Variants in RYR2 observed in about 807,000 individuals in gnomAD.
The protein encoded by RYR2 is cardiac muscle ryanodine receptor-calcium release channel.
Under a neutral mutation model 601.1 loss-of-function variants are expected in RYR2, and 227 were observed. The observed-to-expected ratio is 0.38, with a 90% confidence interval of 0.34 to 0.42. The LOEUF (loss-of-function observed/expected upper bound fraction) is 0.42. Among genes scored for constraint, RYR2 ranks in the 10% least tolerant of loss-of-function variants. RYR2 has a pLI of 1.00. For missense variants in RYR2, 4,646 were observed against 6,156.5 expected (o/e 0.75, Z 8.21); for synonymous variants, 2,223 against 2,175.1 (o/e 1.02, Z -0.61).
chr1:237,631,389 C>G lies in RYR2; in HGVS notation c.6441-38C>G, dbSNP rs1199957626. ...AACTTGGTTAACTATTTAGATGTTG[C>G]TCTGAGCTTTACCCCATACGTCCAT... On this transcript the variant is annotated intron_variant, in intron 41 of 104. Transcript: ENST00000366574. The G allele has an allele frequency of 4.6e-6, 6 of 1,298,302 alleles. No homozygotes were observed. The East Asian group carries it at 1.2e-4, about 25-fold the overall frequency. The allele number at this position is 1,298,302 out of a possible 1,614,324, so 80.4% of individuals were successfully genotyped here. A position where few individuals can be genotyped will look rare whatever the true frequency, so the allele number is the denominator to read the frequency against.
chr1:237,569,329 C>G lies in RYR2; in HGVS notation c.3598+10C>G, dbSNP rs547647810. 2.0e-5 allele frequency: 33 copies of G among 1,611,970 alleles called. No homozygotes were observed. The South Asian group carries it at 3.6e-4, about 18-fold the overall frequency. Reference sequence around the variant, plus strand: ...TTTGATGTTGGCGATGGTAAGTCTACTATGTTTTGTGTTTTTTTTAAGTTT... The same window carrying G: ...TTTGATGTTGGCGATGGTAAGTCTAGTATGTTTTGTGTTTTTTTTAAGTTT... On this transcript the variant is annotated intron_variant, in intron 29 of 104. Coordinates refer to ENST00000366574, the MANE Select transcript of RYR2 (RefSeq NM_001035.3).
intron 1 of RYR2, among the ~76,000 whole-genome samples, chr1:237,061,211 T>TTCTATCTATCTACCTATCTA (rs1553275425): frequency 9.6e-6 from 1 of 104,204 alleles, no homozygotes. Flanking sequence ...AATACGGTTG[T>TTCTATCTATCTACCTATCTA]TCTATCTATC....
chr1:237,369,201 C>T (rs1352267267), intron 5 of RYR2, among the ~76,000 whole-genome samples: 1 of 152,110 alleles, frequency 6.6e-6, no homozygotes. Context: ...ACTAAGGTAC[C>T]ATGGTTCCCA....
intron 24 of RYR2, among the ~76,000 whole-genome samples, chr1:237,530,064 C>G (rs1188638710): frequency 6.6e-6 from 1 of 152,104 alleles, no homozygotes; most frequent in Non-Finnish European, 1.5e-5. Context: ...GTAATCCCAG[C>G]ACTTTGGGAG....
At chr1:237,050,773 T>C (rs999854507) in intron 1 of RYR2, among the ~76,000 whole-genome samples, 2 of 152,132 alleles carry the variant, frequency 1.3e-5, no homozygotes, top group East Asian at 1.9e-4. Flanking sequence ...CTTGAGTCAA[T>C]TGGGATATTG....
chr1:237,710,167 C>T (rs914905750), intron 70 of RYR2, among the ~76,000 whole-genome samples: 3 of 152,160 alleles, frequency 2.0e-5, no homozygotes, highest in African/African-American at 4.8e-5. Flanking sequence ...TTAATCATAA[C>T]AATCGTATAG....
At chr1:237,628,264 C>G (rs1287759999) in intron 41 of RYR2, among the ~76,000 whole-genome samples, 184 bp downstream of exon 41, 1 of 151,700 alleles carries the variant, frequency 6.6e-6, no homozygotes, top group African/African-American at 2.4e-5. Flanking sequence ...TACATGTGCA[C>G]AATGTGCAGG....
intron 2 of RYR2, among the ~76,000 whole-genome samples, chr1:237,325,632 G>A (rs959543185): frequency 6.6e-6 from 1 of 152,058 alleles, no homozygotes; most frequent in East Asian, 1.9e-4. Flanking sequence ...AGCTTGCAGT[G>A]AGCCGAGATT....
chr1:237,157,528 T>C (rs559882893), intron 1 of RYR2, among the ~76,000 whole-genome samples: 3 of 152,238 alleles, frequency 2.0e-5, no homozygotes, highest in South Asian at 2.1e-4. Context: ...ATGTGATATA[T>C]ACACACAATG....
chr1:237,329,053 T>C (rs1696444011), intron 2 of RYR2, among the ~76,000 whole-genome samples: 1 of 152,238 alleles, frequency 6.6e-6, no homozygotes. Flanking sequence ...CTTACGGTTC[T>C]AACTCACCAA....
chr1:237,107,333 A>G (rs1029812264), intron 1 of RYR2, among the ~76,000 whole-genome samples: 8 of 151,438 alleles, frequency 5.3e-5, no homozygotes, highest in African/African-American at 1.2e-4. Context: ...CATCCTGGCT[A>G]ACACGGTGAA....
chr1:237,529,846 G>A (rs112406313), intron 24 of RYR2, among the ~76,000 whole-genome samples: 7,186 of 149,908 alleles, frequency 0.048, 255 homozygotes, highest in Non-Finnish European at 0.078. Flanking sequence ...GCAGGATATC[G>A]AAGAATTGTT....
intron 1 of RYR2, among the ~76,000 whole-genome samples, chr1:237,056,712 CTGCACCTGTGAGGACTGGAGCAT>C (rs1418114177): frequency 1.2e-5 from 1 of 80,546 alleles, no homozygotes; most frequent in Non-Finnish European, 2.5e-5. Flanking sequence ...GACTGCAGCA[CTGCACCTGTGAGGACTGGAGCAT>C]TGCATCTGTG....
intron 33 of RYR2, among the ~76,000 whole-genome samples, chr1:237,594,896 T>TTGTTTTTTG (rs1675665141): frequency 1.5e-4 from 3 of 20,460 alleles, no homozygotes; most frequent in African/African-American, 2.2e-4. Flanking sequence ...GTTTTTTTTT[T>TTGTTTTTTG]TTTTTTTTTT....
chr1:237,693,058 A>G (rs1687087766), intron 63 of RYR2, among the ~76,000 whole-genome samples: 1 of 152,208 alleles, frequency 6.6e-6, no homozygotes. Flanking sequence ...GAAGGTAGAT[A>G]AGTACGCAGA....
chr1:237,806,330 CAAAT>C, intron 99 of RYR2, 47 bp downstream of exon 99: 2 of 1,539,182 alleles, frequency 1.3e-6, no homozygotes, highest in Non-Finnish European at 1.8e-6. Context: ...AAAAAAGCAA[CAAAT>C]AAAACAAAGA....
chr1:237,481,832 AAAAC>A lies in RYR2; in HGVS notation c.1709-9973_1709-9970del, dbSNP rs1228237449. Among the ~76,000 whole-genome samples, 539 of 145,940 alleles carry A rather than the reference AAAAC, an allele frequency of 3.7e-3. 9 individuals carry two copies. The highest frequency in any genetic ancestry group is 0.014 in the African/African-American group (518 of 37,892). ...AGCAAAAAAAAAAAAAAAAAAAAAA[AAAAC>A]CACCTCCCAAACTCCTTGGATCTTG... On this transcript the variant is annotated intron_variant, in intron 17 of 104. Transcript: ENST00000366574.
At chr1:237,218,569 CT>C (rs1683435577) in intron 1 of RYR2, among the ~76,000 whole-genome samples, 1 of 152,020 alleles carries the variant, frequency 6.6e-6, no homozygotes, top group South Asian at 2.1e-4. Flanking sequence ...TTTTTTGCTC[CT>C]CAAAAAAATT....
intron 8 of RYR2, among the ~76,000 whole-genome samples, chr1:237,385,078 A>T (rs1701858874): frequency 6.6e-6 from 1 of 151,774 alleles, no homozygotes; most frequent in Non-Finnish European, 1.5e-5. Context: ...TTTAGTAGAG[A>T]CAGGGTTTCA....
Sources: gnomAD v4.1 joint callset for allele counts (sites outside exome capture counted in the v4.1 genomes callset) on GRCh38, gnomAD v4.1.1 for gene constraint, MANE v1.5 for transcripts, NCBI Gene and HGNC (gene_info 2026-07-23, HGNC 2026-07-21) for gene names.